The following ANKRD52 variants were observed in gnomAD, a reference collection of about 807,000 sequenced individuals.
ANKRD52 encodes the protein serine/threonine-protein phosphatase 6 regulatory ankyrin repeat subunit C.
In ANKRD52, 7 loss-of-function variants were observed where a neutral mutation model predicts 116.0. That is an observed-to-expected ratio of 0.06 (90% confidence interval 0.03 to 0.11). ANKRD52 has a LOEUF of 0.11. Among genes scored for constraint, ANKRD52 ranks in the 10% least tolerant of loss-of-function variants. The probability of loss-of-function intolerance (pLI) is 1.00; values close to 1 mark genes in which losing one functional copy is unlikely to be tolerated. For synonymous variants in ANKRD52, 528 were observed against 578.1 expected (o/e 0.91, Z 1.24); for missense variants, 839 against 1,408.6 (o/e 0.60, Z 6.47).
Position 56,252,530 on chromosome 12 carries a change from C to A in ANKRD52, c.1342G>T (p.Asp448Tyr). Residue 448 changes from aspartate (D) to tyrosine (Y), a missense_variant, in exon 13 of 28, where the codon GAC becomes TAC. Coordinates refer to ENST00000267116, the MANE Select transcript of ANKRD52 (RefSeq NM_173595.4). This position sits in a 1 kb window ranked among gnomAD's most constrained non-coding sequence, Gnocchi z 4.7. The stretch of plus-strand genomic sequence containing the variant: ...CCAAATTTGTCCCTCCTCCTCAAGT[C>A]AGCTCCACTGCTCAACAGCAAATTA... ...CLNLLLSSGA[D>Y]LRRRDKFGRT... 1 of 1,613,972 alleles carries A rather than the reference C, an allele frequency of 6.2e-7. No individual in the cohort carries two copies. Among genetic ancestry groups the A allele is most frequent in the South Asian group, 1.1e-5 (1 of 91,046 alleles).
In ANKRD52 at chr12:56,258,287, G is replaced by T. The variant is rs767646288; in HGVS notation, c.-18C>A. ...ATCCCCATGGCTCGGCCCGGGCTCC[G>T]TCCGCATCGAGCTCCCGGCGGCGGC... On this transcript the variant is annotated 5_prime_UTR_variant, in exon 1 of 28. Transcript: ENST00000267116. The T allele has an allele frequency of 2.6e-6, 4 of 1,560,682 alleles. No individual in the cohort carries two copies. The highest frequency in any genetic ancestry group is 1.7e-6 in the Non-Finnish European group (2 of 1,157,284).
chr12:56,257,491 C>T (rs1428841664), intron 2 of ANKRD52, 130 bp from the exon 3 acceptor site: 12 of 885,736 alleles, frequency 1.4e-5, no homozygotes, highest in Non-Finnish European at 2.1e-5. Flanking sequence ...CGTCCTAAGT[C>T]CCGGTATTGG....
chr12:56,248,248 G>T lies in ANKRD52; in HGVS notation c.1777-24C>A. The T allele has an allele frequency of 6.2e-7, 1 of 1,611,652 alleles. No homozygotes were observed. ...GCCTGGCAAGGTGCAGGCAACCAGT[G>T]CACACAGCTCGGGACCTTCCCTGCT... is the stretch of plus-strand genomic sequence containing the variant. On this transcript the variant is annotated intron_variant, in intron 17 of 27. Transcript: ENST00000267116. This position sits in a 1 kb window ranked among gnomAD's most constrained non-coding sequence, Gnocchi z 5.1.
At chr12:56,245,302 C>T (rs545534407) in intron 21 of ANKRD52, 75 bp downstream of exon 21, 19 of 1,602,668 alleles carry the variant, frequency 1.2e-5, no homozygotes, top group East Asian at 2.2e-5. Flanking sequence ...CAGGTCCCCC[C>T]CAACAACCCA....
intron 4 of ANKRD52, among the ~76,000 whole-genome samples, chr12:56,256,297 A>C (rs768448178): frequency 1.3e-5 from 2 of 152,180 alleles, no homozygotes; most frequent in Non-Finnish European, 2.9e-5. Context: ...CCACATGTGG[A>C]GATCCACACA....
At chr12:56,258,004 G>A (rs550310009) in intron 1 of ANKRD52, 93 bp from the exon 2 acceptor site, 31 of 1,348,846 alleles carry the variant, frequency 2.3e-5, no homozygotes, top group Non-Finnish European at 2.8e-5. Context: ...TTTGAGTGGG[G>A]GGCGTCCGTG....
Position 56,253,472 on chromosome 12 carries a change from T to C in ANKRD52, c.986-70A>G, listed in dbSNP as rs536565760. Reference sequence around the variant, plus strand: ...TAAGACCACTTTCGCGAGCTAGCCATGATTTGAGTGCCTACTATGTATGCA... The same window carrying C: ...TAAGACCACTTTCGCGAGCTAGCCACGATTTGAGTGCCTACTATGTATGCA... On this transcript the variant is annotated intron_variant, in intron 9 of 27. Transcript: ENST00000267116. The surrounding 1 kb of genome is among the most constrained non-coding windows in gnomAD (Gnocchi z 5.5). 1.7e-6 allele frequency: 2 copies of C among 1,202,274 alleles called. No homozygotes were observed. The highest frequency in any genetic ancestry group is 2.3e-5 in the East Asian group (1 of 42,806). The allele number at this position is 1,202,274 out of a possible 1,614,324, so 74.5% of individuals were successfully genotyped here. A position where few individuals can be genotyped will look rare whatever the true frequency, so the allele number is the denominator to read the frequency against.
At position 56,255,117 on chromosome 12, in the gene ANKRD52, G is replaced by A. The variant is rs1430621008; in HGVS notation, c.463-165C>T. 1 of 593,086 alleles carries A rather than the reference G, an allele frequency of 1.7e-6. No homozygotes were observed. Among genetic ancestry groups the A allele is most frequent in the Non-Finnish European group, 3.0e-6 (1 of 335,690 alleles). 36.7% of individuals were successfully genotyped at this position (593,086 alleles called of 1,614,324 possible). ...GGGAACAGCAGAAGCAGGCACTAAG[G>A]AGGAGATACTGGAGAGATTTGGAAC... On this transcript the variant is annotated intron_variant, in intron 5 of 27. Transcript: ENST00000267116. This position sits in a 1 kb window ranked among gnomAD's most constrained non-coding sequence, Gnocchi z 4.3.
chr12:56,255,811 G>A lies in ANKRD52; in HGVS notation c.435C>T (p.His145=), dbSNP rs1178794018. The change falls in exon 5 of 28, where the codon CAC becomes CAT. Residue 145 remains histidine, a synonymous_variant. Transcript: ENST00000267116. This position sits in a 1 kb window ranked among gnomAD's most constrained non-coding sequence, Gnocchi z 4.3. ...VADRSGRSAL[H]HAVHSGHLET... is the part of the protein sequence containing the mutation. Reference sequence around the variant, plus strand: ...CAAGATGCCCACTATGCACTGCATGGTGCAGAGCACTGCGCCCGCTCCTGT... The same window carrying A: ...CAAGATGCCCACTATGCACTGCATGATGCAGAGCACTGCGCCCGCTCCTGT... 6.3e-7 allele frequency: 1 copy of A among 1,583,728 alleles called. No homozygotes were observed. Among genetic ancestry groups the A allele is most frequent in the Admixed American group, 1.8e-5 (1 of 56,036 alleles).
chr12:56,252,084 T>C lies in ANKRD52; in HGVS notation c.1523A>G (p.His508Arg), dbSNP rs1457527251. Reference protein sequence around the residue: ...ASDTYRRAEPHTPSSHDAEED... With the variant: ...ASDTYRRAEPRTPSSHDAEED... ...TTCGGCATCATGGCTGGAAGGTGTA[T>C]GGGGTTCCGCTCTGGGGAAGAGAGA... Residue 508 changes from histidine to arginine, a missense_variant, in exon 15 of 28, where the codon CAT becomes CGT. Physicochemically the swap from His to Arg is conservative, Grantham distance 29. Around this residue, in one of 2 missense-constraint regions of ANKRD52, gnomAD observed 552 missense variants for 810.6 expected, o/e 0.68. Coordinates refer to ENST00000267116, the MANE Select transcript of ANKRD52 (RefSeq NM_173595.4). The surrounding 1 kb of genome is among the most constrained non-coding windows in gnomAD (Gnocchi z 4.7). 2 of 1,613,844 alleles carry C rather than the reference T, an allele frequency of 1.2e-6. No individual in the cohort carries two copies. The highest frequency in any genetic ancestry group is 2.2e-5 in the South Asian group (2 of 91,072).
chr12:56,254,941 C>T lies in ANKRD52; in HGVS notation c.474G>A (p.Leu158=), dbSNP rs1480808967. Reference sequence around the variant, plus strand: ...TCAGGCTGGCTCCCTTGTTGAGGAGCAGGTTCACCGTCTGCATCAGGATAT... The same window carrying T: ...TCAGGCTGGCTCCCTTGTTGAGGAGTAGGTTCACCGTCTGCATCAGGATAT... ...VHSGHLETVN[L]LLNKGASLNV... The change falls in exon 6 of 28, where the codon CTG becomes CTA. Residue 158 remains leucine (L), a synonymous_variant. Coordinates refer to ENST00000267116, the MANE Select transcript of ANKRD52 (RefSeq NM_173595.4). The surrounding 1 kb of genome is among the most constrained non-coding windows in gnomAD (Gnocchi z 4.6). 6.2e-7 allele frequency: 1 copy of T among 1,613,104 alleles called. No homozygotes were observed. The highest frequency in any genetic ancestry group is 1.7e-5 in the Admixed American group (1 of 60,010).
At chr12:56,256,059 T>G (rs1311040890) in intron 4 of ANKRD52, 75 bp from the exon 5 acceptor site, 1 of 1,428,664 alleles carries the variant, frequency 7.0e-7, no homozygotes, top group East Asian at 2.5e-5. Context: ...GAGGAATAGG[T>G]CAGCATAGCA....
chr12:56,248,957 GC>G lies in ANKRD52; in HGVS notation c.1593-88del. On this transcript the variant is annotated intron_variant, in intron 15 of 27. Coordinates refer to ENST00000267116, the MANE Select transcript of ANKRD52 (RefSeq NM_173595.4). This position sits in a 1 kb window ranked among gnomAD's most constrained non-coding sequence, Gnocchi z 5.1. ...GGGAGGGCCAGAGGAGAGGACCAAG[GC>G]CCTCCAGGCCTACCTGGCCGCCACC... 1 of 912,036 alleles carries G rather than the reference GC, an allele frequency of 1.1e-6. No individual in the cohort carries two copies. Among genetic ancestry groups the G allele is most frequent in the Non-Finnish European group, 1.6e-6 (1 of 612,522 alleles). 56.5% of individuals were successfully genotyped at this position (912,036 alleles called of 1,614,324 possible).
At position 56,244,034 on chromosome 12, in the gene ANKRD52, C is replaced by A; in HGVS notation, c.2888+17G>T. On this transcript the variant is annotated intron_variant, in intron 26 of 27. Transcript: ENST00000267116. This position sits in a 1 kb window ranked among gnomAD's most constrained non-coding sequence, Gnocchi z 4.9. ...CTGGCCTCCCCCAGCCAGGAGCCCC[C>A]TTCCCCAGGCACTCACATCTGCAGC... is the stretch of plus-strand genomic sequence containing the variant. The A allele has an allele frequency of 6.2e-7, 1 of 1,613,520 alleles. No individual in the cohort carries two copies. The highest frequency in any genetic ancestry group is 1.7e-4 in the Middle Eastern group (1 of 5,996).
Position 56,241,886 on chromosome 12 carries a change from A to G in ANKRD52, c.*1256T>C, listed in dbSNP as rs1871184721. 1 of 397,896 alleles carries G rather than the reference A, an allele frequency of 2.5e-6. No individual in the cohort carries two copies. The highest frequency in any genetic ancestry group is 4.4e-5 in the Admixed American group (1 of 22,714). The allele number at this position is 397,896 out of a possible 1,614,324, so 24.6% of individuals were successfully genotyped here. ...TAGAAATCTTATCAGTGCAGCCCCC[A>G]GCTCAATCCCATCTTTCCTCCCTGC... is the stretch of plus-strand genomic sequence containing the variant. On this transcript the variant is annotated 3_prime_UTR_variant, in exon 28 of 28. Transcript: ENST00000267116.
chr12:56,241,414 C>T lies in ANKRD52; in HGVS notation c.*1728G>A, dbSNP rs944965248. 3.3e-5 allele frequency: 5 copies of T among 151,800 alleles called. No individual in the cohort carries two copies. Among genetic ancestry groups the T allele is most frequent in the African/African-American group, 1.2e-4 (5 of 41,338 alleles). 9.4% of individuals were successfully genotyped at this position (151,800 alleles called of 1,614,324 possible). ...GGAGGGAGGGGGTCCCTGGGACGCC[C>T]CCCTCCCCTCAGCCCACCCTTGACA... On this transcript the variant is annotated 3_prime_UTR_variant, in exon 28 of 28. Transcript: ENST00000267116.
At position 56,247,293 on chromosome 12, in the gene ANKRD52, C is replaced by A. The variant is rs1284855069; in HGVS notation, c.2184+200G>T. On this transcript the variant is annotated intron_variant, in intron 20 of 27. Coordinates refer to ENST00000267116, the MANE Select transcript of ANKRD52 (RefSeq NM_173595.4). ...CCCAGGAAGTCAAGGCTGCAGTGAG[C>A]TGTGATAGTGTCACTGCACTCCAAC... 6.1e-5 allele frequency among the ~76,000 whole-genome samples: 9 copies of A among 147,718 alleles called. No homozygotes were observed. The East Asian group carries it at 1.8e-3, about 29-fold the overall frequency.
At position 56,252,288 on chromosome 12, in the gene ANKRD52, G is replaced by A. The variant is rs111320403; in HGVS notation, c.1398C>T (p.Asn466=). The change falls in exon 14 of 28, where the codon AAC becomes AAT. Residue 466 remains asparagine (N), a synonymous_variant. Coordinates refer to ENST00000267116, the MANE Select transcript of ANKRD52 (RefSeq NM_173595.4). The surrounding 1 kb of genome is among the most constrained non-coding windows in gnomAD (Gnocchi z 4.7). ...GRTPLHYAAA[N]GSYQCAVTLV... The stretch of plus-strand genomic sequence containing the variant: ...ATGTTACTGCACACTGGTAGCTACC[G>A]TTAGCAGCTGCATAGTGCAGTGGGG... The A allele has an allele frequency of 9.3e-4, 1,500 of 1,614,022 alleles. 14 individuals are homozygous for A. The African/African-American group carries it at 0.017, about 18-fold the overall frequency.
At chr12:56,250,018 C>A (rs987821589) in intron 15 of ANKRD52, among the ~76,000 whole-genome samples, 4 of 151,792 alleles carry the variant, frequency 2.6e-5, no homozygotes, top group Non-Finnish European at 5.9e-5. Flanking sequence ...GCCTGGGCAA[C>A]AGAGTGAGAC....
Sources: allele counts gnomAD v4.1 joint callset (sites outside exome capture counted in the v4.1 genomes callset), GRCh38; gene constraint gnomAD v4.1.1; regional missense constraint gnomAD v4.1.1; non-coding constraint Gnocchi (gnomAD v3.1); transcripts MANE v1.5; gene names NCBI Gene and HGNC (gene_info 2026-07-23, HGNC 2026-07-21).